Variants in ZC3H6 observed in about 807,000 individuals in gnomAD.
ZC3H6 encodes zinc finger CCCH-type containing 6.
Under a neutral mutation model 107.7 loss-of-function variants are expected in ZC3H6, and 40 were observed. The observed-to-expected ratio is 0.37, with a 90% CI of 0.29 to 0.48. ZC3H6 has a LOEUF of 0.48. Ranked by LOEUF, ZC3H6 falls within the 20% of genes least tolerant of loss-of-function variation. ZC3H6 has a pLI of 0.98. For missense variants in ZC3H6, 1,267 were observed against 1,410.4 expected (o/e 0.90, Z 1.63); for synonymous variants, 493 against 487.9 (o/e 1.01, Z -0.14).
chr2:112,276,562 G>A (rs1173897839), intron 1 of ZC3H6, among the ~76,000 whole-genome samples: 32 of 152,174 alleles, frequency 2.1e-4, no homozygotes, highest in Admixed American at 2.1e-3. Context: ...CAAGTTTCAA[G>A]TTTAATATGT....
chr2:112,291,230 C>T (rs890323043), intron 1 of ZC3H6, among the ~76,000 whole-genome samples: 7 of 151,684 alleles, frequency 4.6e-5, no homozygotes, highest in Non-Finnish European at 7.4e-5. Context: ...ATAGTTTGTT[C>T]AATAAAATAC....
intron 2 of ZC3H6, 37 bp downstream of exon 2, chr2:112,300,066 G>A (rs1263009622): frequency 1.6e-6 from 2 of 1,257,484 alleles, no homozygotes; most frequent in Non-Finnish European, 2.1e-6. Context: ...TTTGATAAAT[G>A]TTTATGAAAT....
intron 1 of ZC3H6, among the ~76,000 whole-genome samples, chr2:112,292,446 A>G (rs1676141120): frequency 6.6e-6 from 1 of 152,238 alleles, no homozygotes; most frequent in Non-Finnish European, 1.5e-5. Context: ...TCTGGAGACC[A>G]GGCATTAGAA....
intron 1 of ZC3H6, among the ~76,000 whole-genome samples, chr2:112,292,041 G>T (rs1236200886): frequency 1.3e-5 from 2 of 152,026 alleles, no homozygotes; most frequent in African/African-American, 4.8e-5. Flanking sequence ...AGTTCTAATT[G>T]GTTCATTTGG....
intron 1 of ZC3H6, among the ~76,000 whole-genome samples, chr2:112,290,885 T>C (rs1381414772): frequency 6.6e-6 from 1 of 152,274 alleles, no homozygotes; most frequent in Non-Finnish European, 1.5e-5. Context: ...AATGTTGCAT[T>C]GATTGTATGG....
At chr2:112,278,948 G>A (rs1486767671) in intron 1 of ZC3H6, among the ~76,000 whole-genome samples, 3 of 152,086 alleles carry the variant, frequency 2.0e-5, no homozygotes, top group Non-Finnish European at 4.4e-5. Flanking sequence ...TGAACATTTT[G>A]CACAAGATTG....
chr2:112,285,479 C>G (rs570751279), intron 1 of ZC3H6, among the ~76,000 whole-genome samples: 6 of 151,994 alleles, frequency 3.9e-5, no homozygotes, highest in Admixed American at 3.3e-4. Context: ...CCCTTAGCCT[C>G]CTGAGTAGCT....
chr2:112,321,329 A>C (rs1169860628), intron 7 of ZC3H6, among the ~76,000 whole-genome samples: 1 of 151,572 alleles, frequency 6.6e-6, no homozygotes, highest in Non-Finnish European at 1.5e-5. Context: ...GAGCTTATGT[A>C]ATTAAAATAT....
Position 112,316,466 on chromosome 2 carries a change from G to T in ZC3H6, c.748-4G>T. On this transcript the variant is annotated splice_polypyrimidine_tract_variant and splice_region_variant and intron_variant, in intron 5 of 11. Coordinates refer to ENST00000409871, the MANE Select transcript of ZC3H6 (RefSeq NM_198581.3). ...TGCATTCAAATGGAATTTTTTTCTTGCAGTATAATAAACCAGGGAAAAAAT... is the reference window on the plus strand; with the variant it reads ...TGCATTCAAATGGAATTTTTTTCTTTCAGTATAATAAACCAGGGAAAAAAT... 3 of 1,565,558 alleles carry T rather than the reference G, an allele frequency of 1.9e-6. No individual in the cohort carries two copies. The highest frequency in any genetic ancestry group is 2.6e-6 in the Non-Finnish European group (3 of 1,146,608).
At chr2:112,288,207 ATT>A (rs35202373) in intron 1 of ZC3H6, among the ~76,000 whole-genome samples, 136 of 148,312 alleles carry the variant, frequency 9.2e-4, no homozygotes, top group African/African-American at 3.1e-3. Flanking sequence ...GCTTCCTTTC[ATT>A]TTTTTTTTTT....
At position 112,331,732 on chromosome 2, in the gene ZC3H6, T is replaced by C; in HGVS notation, c.2814T>C (p.Ile938=). Residue 938 remains isoleucine, a synonymous_variant, in exon 12 of 12, where the codon ATT becomes ATC. Coordinates refer to ENST00000409871, the MANE Select transcript of ZC3H6 (RefSeq NM_198581.3). The part of the protein sequence containing the change: ...IDPKLAAKAK[I]NTTNREGYLE... Reference sequence around the variant, plus strand: ...CAAAATTAGCAGCCAAAGCCAAAATTAACACAACAAACAGAGAAGGCTACC... The same window carrying C: ...CAAAATTAGCAGCCAAAGCCAAAATCAACACAACAAACAGAGAAGGCTACC... The C allele has an allele frequency of 2.5e-6, 4 of 1,613,662 alleles. No homozygotes were observed. Among genetic ancestry groups the C allele is most frequent in the Non-Finnish European group, 3.4e-6 (4 of 1,179,818 alleles).
rs1677152353 is a variant in ZC3H6, at chr2:112,337,441, G to A, written c.*4953G>A. The A allele has an allele frequency of 6.6e-6, 1 of 152,012 alleles. No individual in the cohort carries two copies. The highest frequency in any genetic ancestry group is 1.5e-5 in the Non-Finnish European group (1 of 68,138). The allele number at this position is 152,012 out of a possible 1,614,324, so 9.4% of individuals were successfully genotyped here. A position where few individuals can be genotyped will look rare whatever the true frequency, so the allele number is the denominator to read the frequency against. On this transcript the variant is annotated 3_prime_UTR_variant, in exon 12 of 12. Transcript: ENST00000409871. The stretch of plus-strand genomic sequence containing the variant: ...AGGTTCAAGTGATTCTCCTGCCTCA[G>A]ACTCCCAAGTAGCTGGGCTTACAGG...
chr2:112,291,965 G>T (rs1190776878), intron 1 of ZC3H6, among the ~76,000 whole-genome samples: 1 of 152,160 alleles, frequency 6.6e-6, no homozygotes, highest in South Asian at 2.1e-4. Flanking sequence ...CGATCTGCCT[G>T]CCTTGGCCTC....
rs1676598038 is a variant in ZC3H6, at chr2:112,311,798, T to C, written c.614-6T>C. 1.9e-6 allele frequency: 3 copies of C among 1,601,280 alleles called. No individual in the cohort carries two copies. Among genetic ancestry groups the C allele is most frequent in the Non-Finnish European group, 8.5e-7 (1 of 1,174,026 alleles). On this transcript the variant is annotated splice_region_variant and splice_polypyrimidine_tract_variant and intron_variant, in intron 4 of 11. Coordinates refer to ENST00000409871, the MANE Select transcript of ZC3H6 (RefSeq NM_198581.3). Reference sequence around the variant, plus strand: ...TTTAAATTTAAGTACATTTTAACTTTTCTAGGTATTGAACAGAGAGTTAAA... The same window carrying C: ...TTTAAATTTAAGTACATTTTAACTTCTCTAGGTATTGAACAGAGAGTTAAA...
intron 1 of ZC3H6, among the ~76,000 whole-genome samples, chr2:112,276,826 T>G (rs2104687857): frequency 6.6e-6 from 1 of 152,390 alleles, no homozygotes; most frequent in East Asian, 1.9e-4. Flanking sequence ...TTCATTCGTA[T>G]ATATCTTTAA....
At chr2:112,288,642 A>T (rs1230948064) in intron 1 of ZC3H6, among the ~76,000 whole-genome samples, 1 of 152,232 alleles carries the variant, frequency 6.6e-6, no homozygotes, top group Non-Finnish European at 1.5e-5. Flanking sequence ...CCTTGCTATG[A>T]TGTTAAGTAA....
At chr2:112,302,789 A>G (rs532452845) in intron 2 of ZC3H6, among the ~76,000 whole-genome samples, 67 of 151,950 alleles carry the variant, frequency 4.4e-4, no homozygotes, top group African/African-American at 1.6e-3. Flanking sequence ...ATGTTTTGGT[A>G]TCTTTTAGTT....
chr2:112,288,050 G>A (rs557457317), intron 1 of ZC3H6, among the ~76,000 whole-genome samples: 41 of 152,336 alleles, frequency 2.7e-4, no homozygotes, highest in Non-Finnish European at 5.0e-4. Flanking sequence ...ATCACTAGAT[G>A]TCATACTCCA....
Position 112,289,865 on chromosome 2 carries a change from A to G in ZC3H6, c.33-9984A>G, listed in dbSNP as rs193058565. 2.1e-4 allele frequency among the ~76,000 whole-genome samples: 32 copies of G among 152,286 alleles called. No individual in the cohort carries two copies. In the South Asian group the frequency reaches 3.3e-3, roughly 16 times the overall value. Reference sequence around the variant, plus strand: ...AGGTGATTCTACCACCCCAGCCTCCAGAGTGGCTGGAGCCACAGCCACGCA... The same window carrying G: ...AGGTGATTCTACCACCCCAGCCTCCGGAGTGGCTGGAGCCACAGCCACGCA... On this transcript the variant is annotated intron_variant, in intron 1 of 11. Transcript: ENST00000409871.
Sources: allele counts gnomAD v4.1 joint callset (sites outside exome capture counted in the v4.1 genomes callset), GRCh38; gene constraint gnomAD v4.1.1; transcripts MANE v1.5; gene names NCBI Gene and HGNC (gene_info 2026-07-23, HGNC 2026-07-21).